The following SEPTIN11 variants were observed in gnomAD, a reference collection of about 807,000 sequenced individuals.
SEPTIN11 encodes septin 11.
In SEPTIN11, 25 loss-of-function variants were observed where a neutral mutation model predicts 51.4. That is an observed-to-expected ratio of 0.49 (90% confidence interval 0.35 to 0.68). The LOEUF is 0.68. SEPTIN11 is among the 30% of genes least tolerant of loss of function. SEPTIN11 has a pLI of 0.00. For missense variants in SEPTIN11, 381 were observed against 520.8 expected, an observed-to-expected ratio of 0.73 and a Z score of 2.61; for synonymous variants, 174 against 184.1, an observed-to-expected ratio of 0.95 and a Z score of 0.44.
chr4:76,974,824 A>G, intron 1 of SEPTIN11: 1 of 456,668 alleles, frequency 2.2e-6, no homozygotes, highest in Non-Finnish European at 4.4e-6. Flanking sequence ...TACCCTTTGT[A>G]AGAAATGTGA....
chr4:76,983,249 T>G (rs1722859512), intron 1 of SEPTIN11, among the ~76,000 whole-genome samples: 1 of 152,182 alleles, frequency 6.6e-6, no homozygotes, highest in Non-Finnish European at 1.5e-5. Flanking sequence ...AGAAGGATAT[T>G]TGACATGTGA....
chr4:77,023,160 G>A (rs370487324), intron 7 of SEPTIN11, among the ~76,000 whole-genome samples: 2 of 151,890 alleles, frequency 1.3e-5, no homozygotes, highest in South Asian at 4.2e-4. Context: ...GGATATCACC[G>A]AGGCTGCCTG....
intron 1 of SEPTIN11, among the ~76,000 whole-genome samples, chr4:76,954,960 ATTTCT>A (rs1171982577): frequency 7.4e-6 from 1 of 134,452 alleles, no homozygotes; most frequent in Non-Finnish European, 1.5e-5. Context: ...TCTGTGTGTG[ATTTCT>A]TTTTTATTTA....
In SEPTIN11 at chr4:77,038,001, G is replaced by A. The variant is rs1727148882; in HGVS notation, c.*3489G>A. The A allele has an allele frequency of 1.0e-6, 1 of 985,654 alleles. No individual in the cohort carries two copies. The allele number at this position is 985,654 out of a possible 1,614,324, so 61.1% of individuals were successfully genotyped here. ...ATGACTGTTTCACATACAAACTATTGGGTGAGGTTTTTCAGCTGTTACCGA... is the reference window on the plus strand; with the variant it reads ...ATGACTGTTTCACATACAAACTATTAGGTGAGGTTTTTCAGCTGTTACCGA... On this transcript the variant is annotated 3_prime_UTR_variant, in exon 10 of 10. Transcript: ENST00000264893.
intron 5 of SEPTIN11, among the ~76,000 whole-genome samples, chr4:77,017,140 A>G (rs903416652): frequency 6.6e-6 from 1 of 152,122 alleles, no homozygotes; most frequent in African/African-American, 2.4e-5. Flanking sequence ...AATGACTGCT[A>G]TGTAATTTTT....
At chr4:76,973,773 G>C (rs2109905122) in intron 1 of SEPTIN11, among the ~76,000 whole-genome samples, 1 of 152,216 alleles carries the variant, frequency 6.6e-6, no homozygotes, top group East Asian at 1.9e-4. Context: ...CTGTGACTTT[G>C]TTTCCACATC....
chr4:76,988,128 GC>G (rs1204990442), intron 1 of SEPTIN11, among the ~76,000 whole-genome samples: 1 of 152,140 alleles, frequency 6.6e-6, no homozygotes, highest in Admixed American at 6.5e-5. Flanking sequence ...CACAGGGGCC[GC>G]CTATTAAATT....
At chr4:76,958,549 A>G (rs1436082555) in intron 1 of SEPTIN11, among the ~76,000 whole-genome samples, 1 of 152,210 alleles carries the variant, frequency 6.6e-6, no homozygotes, top group African/African-American at 2.4e-5. Context: ...CCTAGATGAA[A>G]ACGCCTTGTT....
chr4:77,029,828 A>ATG, intron 8 of SEPTIN11, among the ~76,000 whole-genome samples: 1 of 152,058 alleles, frequency 6.6e-6, no homozygotes, highest in South Asian at 2.1e-4. Flanking sequence ...ACACATATAT[A>ATG]TGTGTATATA....
intron 1 of SEPTIN11, among the ~76,000 whole-genome samples, chr4:76,965,132 G>A (rs900864387): frequency 1.3e-5 from 2 of 152,080 alleles, no homozygotes; most frequent in Admixed American, 1.3e-4. Flanking sequence ...AGAGAGAAAT[G>A]TTTTCATCAT....
intron 3 of SEPTIN11, among the ~76,000 whole-genome samples, chr4:77,007,215 G>A (rs1016584379): frequency 8.5e-5 from 13 of 152,226 alleles, no homozygotes; most frequent in African/African-American, 3.1e-4. Context: ...CATTGTGGGA[G>A]CTGGGAAGAG....
intron 1 of SEPTIN11, among the ~76,000 whole-genome samples, chr4:76,952,514 C>T (rs1244818257): frequency 1.3e-5 from 2 of 152,120 alleles, no homozygotes; most frequent in African/African-American, 2.4e-5. Context: ...GTAAATATGA[C>T]ATTTTAGTGG....
In SEPTIN11 at chr4:77,035,159, A is replaced by T; in HGVS notation, c.*647A>T. 1 of 985,492 alleles carries T rather than the reference A, an allele frequency of 1.0e-6. No individual in the cohort carries two copies. Among genetic ancestry groups the T allele is most frequent in the Non-Finnish European group, 1.2e-6 (1 of 829,970 alleles). 61.0% of individuals were successfully genotyped at this position (985,492 alleles called of 1,614,324 possible). On this transcript the variant is annotated 3_prime_UTR_variant, in exon 10 of 10. Transcript: ENST00000264893. Reference sequence around the variant, plus strand: ...AAACTGCATCTGAATGCCTGCCTTCAATCCTGGCCAAGTTGGAGTAGACTG... The same window carrying T: ...AAACTGCATCTGAATGCCTGCCTTCTATCCTGGCCAAGTTGGAGTAGACTG...
chr4:77,003,633 TG>T (rs1181326295), intron 2 of SEPTIN11, among the ~76,000 whole-genome samples: 1 of 152,206 alleles, frequency 6.6e-6, no homozygotes, highest in African/African-American at 2.4e-5. Context: ...ATCCTATAAG[TG>T]AATCATCATA....
chr4:77,037,402 A>G lies in SEPTIN11; in HGVS notation c.*2890A>G. On this transcript the variant is annotated 3_prime_UTR_variant, in exon 10 of 10. Coordinates refer to ENST00000264893, the MANE Select transcript of SEPTIN11 (RefSeq NM_018243.4). ...ATTAATCCCTGCCTGTGCTCTACATAGCCTCATGGGCATCATTGGATAGCT... is the reference window on the plus strand; with the variant it reads ...ATTAATCCCTGCCTGTGCTCTACATGGCCTCATGGGCATCATTGGATAGCT... 1 of 985,422 alleles carries G rather than the reference A, an allele frequency of 1.0e-6. No individual in the cohort carries two copies. Among genetic ancestry groups the G allele is most frequent in the South Asian group, 4.7e-5 (1 of 21,280 alleles). 61.0% of individuals were successfully genotyped at this position (985,422 alleles called of 1,614,324 possible). A position where few individuals can be genotyped will look rare whatever the true frequency, so the allele number is the denominator to read the frequency against.
intron 1 of SEPTIN11, among the ~76,000 whole-genome samples, chr4:76,986,502 T>C (rs1009455162): frequency 6.6e-6 from 1 of 152,212 alleles, no homozygotes; most frequent in Non-Finnish European, 1.5e-5. Context: ...ATATGTTAAT[T>C]AATTCTTTAC....
Position 77,036,990 on chromosome 4 carries a change from TA to T in SEPTIN11, c.*2482del. The T allele has an allele frequency of 7.9e-7, 1 of 1,267,108 alleles. No individual in the cohort carries two copies. Among genetic ancestry groups the T allele is most frequent in the East Asian group, 3.2e-5 (1 of 31,708 alleles). The allele number at this position is 1,267,108 out of a possible 1,614,324, so 78.5% of individuals were successfully genotyped here. A position where few individuals can be genotyped will look rare whatever the true frequency, so the allele number is the denominator to read the frequency against. ...GTTTAAAAAAAAGACTAAATATATT[TA>T]AAAGGCCACATTTATATTTTTTTCA... is the stretch of plus-strand genomic sequence containing the variant. On this transcript the variant is annotated 3_prime_UTR_variant, in exon 10 of 10. Transcript: ENST00000264893.
chr4:76,987,105 C>T (rs1723070894), intron 1 of SEPTIN11, among the ~76,000 whole-genome samples: 1 of 152,128 alleles, frequency 6.6e-6, no homozygotes, highest in African/African-American at 2.4e-5. Context: ...ATATGTTTTC[C>T]AGAGTGGCTC....
rs1360861333 is a variant in SEPTIN11 at position 77,024,805 on chromosome 4, C to T, written c.954-3824C>T. On this transcript the variant is annotated intron_variant, in intron 7 of 9. Coordinates refer to ENST00000264893, the MANE Select transcript of SEPTIN11 (RefSeq NM_018243.4). The surrounding 1 kb of genome is among the most constrained non-coding windows in gnomAD (Gnocchi z 4.2). ...GCTCTGTTACTTCTTTGTGGTGTGA[C>T]CTGGTCAAATTACCTGTGTGTCCAA... is the stretch of plus-strand genomic sequence containing the variant. Among the ~76,000 whole-genome samples the T allele has an allele frequency of 1.3e-5, 2 of 152,144 alleles. No homozygotes were observed. Among genetic ancestry groups the T allele is most frequent in the Non-Finnish European group, 2.9e-5 (2 of 68,024 alleles).
Sources: gnomAD v4.1 joint callset for allele counts (sites outside exome capture counted in the v4.1 genomes callset) on GRCh38, gnomAD v4.1.1 for gene constraint, Gnocchi (gnomAD v3.1) non-coding constraint, MANE v1.5 for transcripts, NCBI Gene and HGNC (gene_info 2026-07-23, HGNC 2026-07-21) for gene names.